SDCCAG8: variants seen among roughly 807,000 people sequenced by gnomAD.
SDCCAG8 encodes the protein serologically defined colon cancer antigen 8.
In SDCCAG8, 74 loss-of-function variants were observed where a neutral mutation model predicts 101.8. That is an observed-to-expected ratio of 0.73 (90% CI 0.60 to 0.88). The LOEUF (loss-of-function observed/expected upper bound fraction) is 0.88, where lower values mean the gene tolerates loss of function less well. SDCCAG8 is among the 40% of genes least tolerant of loss of function. SDCCAG8 has a pLI of 0.00. For missense variants in SDCCAG8, 787 were observed against 822.6 expected, an observed-to-expected ratio of 0.96 and a Z score of 0.53; for synonymous variants, 281 against 292.9, an observed-to-expected ratio of 0.96 and a Z score of 0.41.
chr1:243,478,956 CA>C (rs148382740), intron 16 of SDCCAG8, among the ~76,000 whole-genome samples: 6,200 of 94,436 alleles, frequency 0.066, 235 homozygotes, highest in African/African-American at 0.21. Flanking sequence ...GACTCTGTCT[CA>C]AAAAAAAAAA....
chr1:243,437,297 A>T (rs1410097723), intron 16 of SDCCAG8, among the ~76,000 whole-genome samples: 2 of 152,166 alleles, frequency 1.3e-5, no homozygotes, highest in Non-Finnish European at 2.9e-5. Context: ...ATTAACATGC[A>T]TTCAGCACTA....
At chr1:243,290,509 G>T (rs373439089) in intron 5 of SDCCAG8, among the ~76,000 whole-genome samples, 1 of 152,070 alleles carries the variant, frequency 6.6e-6, no homozygotes, top group Non-Finnish European at 1.5e-5. Flanking sequence ...TAGGGGATTT[G>T]ACTCTACCGA....
chr1:243,318,213 T>A (rs1389563653), intron 9 of SDCCAG8, among the ~76,000 whole-genome samples: 2 of 152,222 alleles, frequency 1.3e-5, no homozygotes, highest in Non-Finnish European at 2.9e-5. Context: ...GGAACATGCA[T>A]GGAGCCGGAG....
At chr1:243,486,348 T>A (rs1664828704) in intron 16 of SDCCAG8, among the ~76,000 whole-genome samples, 2 of 152,230 alleles carry the variant, frequency 1.3e-5, no homozygotes, top group Admixed American at 1.3e-4. Context: ...CTTAGGGATC[T>A]CACTTCTCAC....
intron 1 of SDCCAG8, among the ~76,000 whole-genome samples, chr1:243,268,917 C>T (rs1055356867): frequency 3.9e-5 from 6 of 152,098 alleles, no homozygotes; most frequent in African/African-American, 1.4e-4. Flanking sequence ...CAGCGGGGTG[C>T]AGCGCGGGGA....
At chr1:243,326,392 G>A (rs920331359) in intron 9 of SDCCAG8, among the ~76,000 whole-genome samples, 2 of 151,986 alleles carry the variant, frequency 1.3e-5, no homozygotes, top group African/African-American at 4.8e-5. Flanking sequence ...TGGATTACAG[G>A]GAGTCAGAAA....
At chr1:243,311,497 G>A (rs760210491) in intron 8 of SDCCAG8, among the ~76,000 whole-genome samples, 1 of 152,084 alleles carries the variant, frequency 6.6e-6, no homozygotes, top group Non-Finnish European at 1.5e-5. Context: ...TGTCAAATAG[G>A]CCTTTAACAA....
At chr1:243,267,027 A>G (rs529031393) in intron 1 of SDCCAG8, among the ~76,000 whole-genome samples, 4 of 151,842 alleles carry the variant, frequency 2.6e-5, no homozygotes, top group Admixed American at 2.6e-4. Flanking sequence ...GGCGGATCAC[A>G]AAGTCAGGAG....
chr1:243,286,891 T>C (rs1221591217), intron 5 of SDCCAG8, among the ~76,000 whole-genome samples: 1 of 152,248 alleles, frequency 6.6e-6, no homozygotes, highest in East Asian at 1.9e-4. Flanking sequence ...TAGAAGGTTT[T>C]ACATAGCTTA....
intron 12 of SDCCAG8, among the ~76,000 whole-genome samples, chr1:243,367,398 T>C (rs1436973361): frequency 3.3e-5 from 5 of 152,134 alleles, no homozygotes; most frequent in Non-Finnish European, 7.4e-5. Context: ...CCTTTTGAAG[T>C]GCTTTCAGAA....
In SDCCAG8 at chr1:243,378,768, G is replaced by A; in HGVS notation, c.1521G>A (p.Leu507=). ...AACTGGATGAAAGCAAACAACACTT[G>A]GAACAGGAGCAGCAGAAGGCAGCCC... The part of the protein sequence containing the change: ...RIELDESKQH[L]EQEQQKAALA... The change falls in exon 13 of 18, where the codon TTG becomes TTA. Residue 507 remains leucine (L), a synonymous_variant. Transcript: ENST00000366541. 6.2e-7 allele frequency: 1 copy of A among 1,614,046 alleles called. No homozygotes were observed. Among genetic ancestry groups the A allele is most frequent in the Non-Finnish European group, 8.5e-7 (1 of 1,179,972 alleles).
intron 6 of SDCCAG8, among the ~76,000 whole-genome samples, chr1:243,294,699 C>G (rs947071947): frequency 7.9e-5 from 6 of 76,432 alleles, no homozygotes; most frequent in African/African-American, 3.4e-4. Flanking sequence ...TCTAAATTCC[C>G]CCCCCCCCCC....
chr1:243,471,948 A>T (rs1005747980), intron 16 of SDCCAG8, among the ~76,000 whole-genome samples: 2 of 152,226 alleles, frequency 1.3e-5, no homozygotes, highest in African/African-American at 4.8e-5. Flanking sequence ...GAGGCTGGCA[A>T]CACATGGGCA....
At chr1:243,272,990 A>G (rs2068218214) in intron 3 of SDCCAG8, among the ~76,000 whole-genome samples, 1 of 152,204 alleles carries the variant, frequency 6.6e-6, no homozygotes, top group Non-Finnish European at 1.5e-5. Flanking sequence ...TTTTTCATAC[A>G]ATATTGGCTT....
At chr1:243,331,586 G>A (rs142880838) in intron 10 of SDCCAG8, among the ~76,000 whole-genome samples, 315 of 152,242 alleles carry the variant, frequency 2.1e-3, no homozygotes, top group Non-Finnish European at 3.3e-3. Context: ...TCCTGTAAAT[G>A]TCCTTGTCTT....
intron 16 of SDCCAG8, among the ~76,000 whole-genome samples, chr1:243,476,867 A>C (rs923770959): frequency 1.3e-5 from 2 of 152,232 alleles, no homozygotes; most frequent in Admixed American, 1.3e-4. Flanking sequence ...CTATTAGATC[A>C]ATATGAAATT....
intron 10 of SDCCAG8, among the ~76,000 whole-genome samples, chr1:243,336,790 G>C (rs1299489599): frequency 6.6e-6 from 1 of 152,088 alleles, no homozygotes; most frequent in Non-Finnish European, 1.5e-5. Flanking sequence ...TTGGCCATTT[G>C]TATGTATTCT....
chr1:243,350,261 T>C (rs983009147), intron 12 of SDCCAG8, among the ~76,000 whole-genome samples: 1 of 151,950 alleles, frequency 6.6e-6, no homozygotes, highest in Non-Finnish European at 1.5e-5. Flanking sequence ...CAGGCTGGAG[T>C]GCAGTGGTGC....
At chr1:243,400,694 C>A (rs1258276760) in intron 13 of SDCCAG8, among the ~76,000 whole-genome samples, 3 of 152,104 alleles carry the variant, frequency 2.0e-5, no homozygotes, top group South Asian at 4.1e-4. Context: ...TTCTAGAAAA[C>A]AAATTTGACA....
Sources: gnomAD v4.1 joint callset for allele counts (sites outside exome capture counted in the v4.1 genomes callset) on GRCh38, gnomAD v4.1.1 for gene constraint, MANE v1.5 for transcripts, NCBI Gene and HGNC (gene_info 2026-07-23, HGNC 2026-07-21) for gene names.